The following ZRANB3 variants were observed in gnomAD, a reference collection of about 807,000 sequenced individuals.
ZRANB3 encodes zinc finger RANBP2-type containing 3.
A neutral mutation model predicts 133.8 loss-of-function variants in ZRANB3; 125 were observed. The ratio of observed to expected loss-of-function variants is 0.93; its 90% CI spans 0.81 to 1.08. The LOEUF (loss-of-function observed/expected upper bound fraction) is 1.08, where lower values mean the gene tolerates loss of function less well. ZRANB3 is among the 50% of genes least tolerant of loss of function. The probability of loss-of-function intolerance (pLI) is 0.00; values close to 1 mark genes in which losing one functional copy is unlikely to be tolerated. For synonymous variants in ZRANB3, 387 were observed against 432.7 expected (o/e 0.89, Z 1.31); for missense variants, 1,229 against 1,275.5 (o/e 0.96, Z 0.56).
intron 6 of ZRANB3, among the ~76,000 whole-genome samples, chr2:135,323,856 C>T (rs1370809211): frequency 2.6e-5 from 4 of 151,996 alleles, no homozygotes; most frequent in East Asian, 3.9e-4. Flanking sequence ...CAACCTCTGC[C>T]TCCTGGGTCC....
chr2:135,308,064 G>A (rs1337096150), intron 8 of ZRANB3, among the ~76,000 whole-genome samples: 1 of 152,028 alleles, frequency 6.6e-6, no homozygotes, highest in Non-Finnish European at 1.5e-5. Flanking sequence ...TGAGTCTCCT[G>A]GTACCAACTC....
intron 2 of ZRANB3, among the ~76,000 whole-genome samples, chr2:135,478,441 A>C (rs1333820042): frequency 6.6e-6 from 1 of 152,122 alleles, no homozygotes; most frequent in Non-Finnish European, 1.5e-5. Context: ...CCTCCACTGA[A>C]TGCTATGCTG....
intron 1 of ZRANB3, chr2:135,511,301 CT>C: frequency 2.1e-6 from 2 of 956,598 alleles, no homozygotes; most frequent in Non-Finnish European, 3.4e-6. Context: ...CTAGCTCAGA[CT>C]TTTCCTCTTG....
At chr2:135,491,264 A>G (rs1692359521) in intron 2 of ZRANB3, among the ~76,000 whole-genome samples, 1 of 152,262 alleles carries the variant, frequency 6.6e-6, no homozygotes, top group South Asian at 2.1e-4. Flanking sequence ...CACAACACAG[A>G]AATTACATAC....
chr2:135,346,541 T>C (rs1272816773), intron 5 of ZRANB3, among the ~76,000 whole-genome samples: 42 of 152,318 alleles, frequency 2.8e-4, no homozygotes, highest in Non-Finnish European at 5.9e-5. Context: ...CATCCATTCA[T>C]TCATCCATCC....
chr2:135,312,750 T>C (rs10165277), intron 8 of ZRANB3, among the ~76,000 whole-genome samples: 4,856 of 152,154 alleles, frequency 0.032, 250 homozygotes, highest in African/African-American at 0.11. Flanking sequence ...GCACGGTGGC[T>C]TACACCTGTA....
intron 2 of ZRANB3, among the ~76,000 whole-genome samples, chr2:135,392,531 C>G (rs1687285772): frequency 6.6e-6 from 1 of 152,142 alleles, no homozygotes; most frequent in South Asian, 2.1e-4. Flanking sequence ...GACTGGATCA[C>G]CTGAGGTCAG....
rs2104818172 is a variant in ZRANB3 at position 135,308,866 on chromosome 2, C to T, written c.966+4623G>A. Among the ~76,000 whole-genome samples the T allele has an allele frequency of 2.0e-5, 3 of 152,152 alleles. No individual in the cohort carries two copies. In the South Asian group the frequency reaches 6.2e-4, roughly 32 times the overall value. On this transcript the variant is annotated intron_variant, in intron 8 of 20. Transcript: ENST00000264159. ...ATAATAACCACCTCTTCTTCCCCTT[C>T]TCCGCCAAAGGAAAAAAAGTTCATA...
intron 8 of ZRANB3, among the ~76,000 whole-genome samples, chr2:135,300,292 T>G (rs894327157): frequency 6.6e-6 from 1 of 152,200 alleles, no homozygotes; most frequent in Non-Finnish European, 1.5e-5. Flanking sequence ...TATAAGTAGC[T>G]GCATATTTGC....
intron 15 of ZRANB3, among the ~76,000 whole-genome samples, chr2:135,221,659 TG>T (rs931102827): frequency 6.6e-6 from 1 of 152,200 alleles, no homozygotes; most frequent in Non-Finnish European, 1.5e-5. Context: ...TCTCATGTGA[TG>T]GTCTGAGAAA....
At chr2:135,419,444 A>T (rs1688739620) in intron 2 of ZRANB3, among the ~76,000 whole-genome samples, 1 of 151,978 alleles carries the variant, frequency 6.6e-6, no homozygotes, top group South Asian at 2.1e-4. Context: ...AACCTAAATA[A>T]CAGGAAGACT....
intron 3 of ZRANB3, among the ~76,000 whole-genome samples, chr2:135,389,017 G>A (rs1687106422): frequency 1.3e-5 from 2 of 152,180 alleles, no homozygotes; most frequent in African/African-American, 4.8e-5. Context: ...GGCGAACCTT[G>A]CAGTGAGTCG....
intron 6 of ZRANB3, among the ~76,000 whole-genome samples, chr2:135,322,012 A>T (rs182659053): frequency 1.0e-3 from 154 of 152,232 alleles, no homozygotes; most frequent in Non-Finnish European, 1.2e-3. Flanking sequence ...ACCTAACCCA[A>T]AGTCCCAAAT....
intron 1 of ZRANB3, among the ~76,000 whole-genome samples, chr2:135,512,867 A>G (rs910707780): frequency 6.6e-6 from 1 of 152,172 alleles, no homozygotes; most frequent in African/African-American, 2.4e-5. Flanking sequence ...CTATAACCAC[A>G]GTGGAAAAGT....
chr2:135,346,684 C>T (rs1193359771), intron 5 of ZRANB3, among the ~76,000 whole-genome samples: 1 of 152,060 alleles, frequency 6.6e-6, no homozygotes, highest in Non-Finnish European at 1.5e-5. Flanking sequence ...ATTTACACTC[C>T]CATCAATAGT....
rs1404686749 is a variant in ZRANB3 at position 135,373,404 on chromosome 2, C to CT, written c.180+17397dup. On this transcript the variant is annotated intron_variant, in intron 3 of 20. Coordinates refer to ENST00000264159, the MANE Select transcript of ZRANB3 (RefSeq NM_032143.4). ...ATCTGAAGAATGTTTTGAAGGATTA[C>CT]TTTTTAGATAGACTTGAGAAAAATA... Among the ~76,000 whole-genome samples, 4 of 152,148 alleles carry CT rather than the reference C, an allele frequency of 2.6e-5. No homozygotes were observed. In the East Asian group the frequency reaches 7.8e-4, roughly 29 times the overall value.
rs1486770412 is a variant in ZRANB3, at chr2:135,343,814, C to A, written c.677+1736G>T. On this transcript the variant is annotated intron_variant, in intron 6 of 20. Transcript: ENST00000264159. ...CAAATGCATTTAATGACATAATGGG[C>A]AAATGTCACAAGCTACTATCAGTTC... 4.0e-5 allele frequency among the ~76,000 whole-genome samples: 6 copies of A among 149,894 alleles called. No individual in the cohort carries two copies. The South Asian group carries it at 6.2e-4, about 16-fold the overall frequency.
intron 2 of ZRANB3, among the ~76,000 whole-genome samples, chr2:135,491,373 CT>C (rs1692366735): frequency 6.6e-6 from 1 of 152,042 alleles, no homozygotes. Context: ...TTGAGACAGT[CT>C]TGCTCTATCA....
At chr2:135,242,285 C>T (rs1695586904) in intron 12 of ZRANB3, among the ~76,000 whole-genome samples, 1 of 151,632 alleles carries the variant, frequency 6.6e-6, no homozygotes, top group Admixed American at 6.6e-5. Flanking sequence ...AGAGGTAGTT[C>T]AATAAAGTAA....
Sources: allele counts gnomAD v4.1 joint callset (sites outside exome capture counted in the v4.1 genomes callset), GRCh38; gene constraint gnomAD v4.1.1; transcripts MANE v1.5; gene names NCBI Gene and HGNC (gene_info 2026-07-23, HGNC 2026-07-21).